FKBP5: variants seen among roughly 807,000 people sequenced by gnomAD.
FKBP5 encodes peptidyl-prolyl cis-trans isomerase FKBP5.
Under a neutral mutation model 50.5 loss-of-function variants are expected in FKBP5, and 23 were observed. The observed-to-expected ratio is 0.46, with a 90% confidence interval of 0.33 to 0.65. The LOEUF is 0.65. Among genes scored for constraint, FKBP5 ranks in the 30% least tolerant of loss-of-function variants. FKBP5 has a pLI of 0.02. For missense variants in FKBP5, 411 were observed against 553.1 expected, an observed-to-expected ratio of 0.74 and a Z score of 2.58; for synonymous variants, 176 against 190.6, an observed-to-expected ratio of 0.92 and a Z score of 0.63.
At position 35,575,878 on chromosome 6, in the gene FKBP5, T is replaced by A. The variant is rs1762196576; in HGVS notation, c.1331A>T (p.Asp444Val). The change falls in exon 11 of 11, where the codon GAC becomes GTC. Residue 444 changes from aspartate to valine, a missense_variant. By Grantham distance (152) the Asp-to-Val change is radical. This residue lies in a region of FKBP5 where 88 missense variants were observed against 89.0 expected (regional missense o/e 0.99). Coordinates refer to ENST00000357266, the MANE Select transcript of FKBP5 (RefSeq NM_004117.4). ...TTTCTCTTCTTCCATTGCTTGACTG[T>A]CTGTTCCTTTTTCATTAGTGACCCC... ...SEGVTNEKGT[D>V]SQAMEEEKPE... 3 of 1,614,104 alleles carry A rather than the reference T, an allele frequency of 1.9e-6. No individual in the cohort carries two copies. Among genetic ancestry groups the A allele is most frequent in the South Asian group, 2.2e-5 (2 of 91,084 alleles).
intron 1 of FKBP5, among the ~76,000 whole-genome samples, chr6:35,726,661 T>C (rs560284873): frequency 2.0e-5 from 3 of 152,208 alleles, no homozygotes; most frequent in Non-Finnish European, 4.4e-5. Flanking sequence ...TGAGTCCCTA[T>C]AGCTATTACA....
intron 2 of FKBP5, among the ~76,000 whole-genome samples, chr6:35,707,511 G>C (rs1179172422): frequency 6.6e-6 from 1 of 151,984 alleles, no homozygotes; most frequent in African/African-American, 2.4e-5. Context: ...GTGAGCCACC[G>C]CGCCCGGCCA....
At chr6:35,625,830 G>A (rs1191733511) in intron 3 of FKBP5, among the ~76,000 whole-genome samples, 8 of 149,090 alleles carry the variant, frequency 5.4e-5, no homozygotes, top group African/African-American at 1.5e-4. Context: ...CCCAGGCTGG[G>A]GTGCAGTGGC....
intron 8 of FKBP5, chr6:35,583,821 A>T: frequency 1.0e-6 from 1 of 985,424 alleles, no homozygotes; most frequent in Non-Finnish European, 1.2e-6. Flanking sequence ...AATTTTTTTT[A>T]AAACATCAAA....
At chr6:35,642,079 A>G (rs1412849285) in intron 2 of FKBP5, among the ~76,000 whole-genome samples, 2 of 151,984 alleles carry the variant, frequency 1.3e-5, no homozygotes, top group Non-Finnish European at 2.9e-5. Flanking sequence ...TCTTTCCTTA[A>G]AAAGTCTTCA....
intron 2 of FKBP5, among the ~76,000 whole-genome samples, chr6:35,709,246 T>G (rs1022503194): frequency 3.3e-5 from 5 of 152,144 alleles, no homozygotes; most frequent in Admixed American, 2.0e-4. Context: ...AACCATTGGA[T>G]CTCGTGAGAC....
intron 2 of FKBP5, among the ~76,000 whole-genome samples, chr6:35,710,869 G>C (rs1766399743): frequency 6.6e-6 from 1 of 152,174 alleles, no homozygotes; most frequent in South Asian, 2.1e-4. Context: ...TAAACATTAA[G>C]TTGAGCAAAA....
At chr6:35,704,564 G>A (rs1427955043) in intron 2 of FKBP5, among the ~76,000 whole-genome samples, 3 of 149,672 alleles carry the variant, frequency 2.0e-5, no homozygotes, top group African/African-American at 5.0e-5. Flanking sequence ...TGGGAGCCTC[G>A]GGAGAAAGCC....
intron 1 of FKBP5, among the ~76,000 whole-genome samples, chr6:35,668,850 A>G (rs1765302249): frequency 6.6e-6 from 1 of 152,168 alleles, no homozygotes; most frequent in East Asian, 1.9e-4. Context: ...CCTATCAATC[A>G]CATCCTGTTA....
chr6:35,668,193 A>G (rs928919154), intron 1 of FKBP5, among the ~76,000 whole-genome samples: 7 of 152,200 alleles, frequency 4.6e-5, no homozygotes, highest in African/African-American at 1.7e-4. Flanking sequence ...TCTTCCCACT[A>G]TACCCAGCCC....
chr6:35,600,260 T>C (rs1763104146), intron 5 of FKBP5, among the ~76,000 whole-genome samples: 2 of 152,036 alleles, frequency 1.3e-5, no homozygotes, highest in Admixed American at 6.6e-5. Context: ...TAAGATATTT[T>C]TACTGAATTC....
intron 2 of FKBP5, among the ~76,000 whole-genome samples, chr6:35,640,378 A>C (rs1561871783): frequency 6.6e-6 from 1 of 152,208 alleles, no homozygotes; most frequent in Non-Finnish European, 1.5e-5. Context: ...AGGTACAGTA[A>C]TAAAAGGTAT....
intron 1 of FKBP5, among the ~76,000 whole-genome samples, chr6:35,675,151 C>T (rs548225867): frequency 3.3e-5 from 5 of 152,324 alleles, no homozygotes; most frequent in South Asian, 4.1e-4. Flanking sequence ...TTGTCCCTCT[C>T]GCATGTTATA....
chr6:35,657,020 T>G (rs887237427), intron 1 of FKBP5, among the ~76,000 whole-genome samples: 8 of 150,456 alleles, frequency 5.3e-5, no homozygotes, highest in Non-Finnish European at 8.9e-5. Flanking sequence ...GACCATCCTG[T>G]CTAACACGGT....
At chr6:35,721,400 T>C (rs1390206525) in intron 1 of FKBP5, among the ~76,000 whole-genome samples, 1 of 151,758 alleles carries the variant, frequency 6.6e-6, no homozygotes, top group Non-Finnish European at 1.5e-5. Flanking sequence ...TTAGGACACA[T>C]GGTTGCTGAA....
At chr6:35,596,566 T>A (rs553419728) in intron 6 of FKBP5, among the ~76,000 whole-genome samples, 139 of 152,222 alleles carry the variant, frequency 9.1e-4, no homozygotes, top group Middle Eastern at 3.4e-3. Flanking sequence ...TGCACTCTCA[T>A]GCAGACAAAA....
At chr6:35,664,895 T>C (rs1451727373) in intron 1 of FKBP5, 1 of 152,360 alleles carries the variant, frequency 6.6e-6, no homozygotes, top group Non-Finnish European at 1.5e-5. Context: ...TCAAAATTGG[T>C]CCCTTCTCCA....
At chr6:35,637,457 C>CTTTTT (rs71002581) in intron 2 of FKBP5, among the ~76,000 whole-genome samples, 41 of 73,256 alleles carry the variant, frequency 5.6e-4, no homozygotes, top group Admixed American at 8.1e-4. Flanking sequence ...ACAGTAAACT[C>CTTTTT]TTTTTTTTTT....
chr6:35,672,547 T>TA (rs1472395765), intron 1 of FKBP5, among the ~76,000 whole-genome samples: 1 of 152,096 alleles, frequency 6.6e-6, no homozygotes, highest in Non-Finnish European at 1.5e-5. Flanking sequence ...GGCCACTTTT[T>TA]ACCTCTCTAA....
Sources: gnomAD v4.1 joint callset for allele counts (sites outside exome capture counted in the v4.1 genomes callset) on GRCh38, gnomAD v4.1.1 for gene constraint, gnomAD v4.1.1 regional missense constraint, MANE v1.5 for transcripts, NCBI Gene and HGNC (gene_info 2026-07-23, HGNC 2026-07-21) for gene names.